Variants in CAMK1D observed in about 807,000 individuals in gnomAD.
CAMK1D encodes the protein calcium/calmodulin dependent protein kinase ID.
In CAMK1D, 9 loss-of-function variants were observed where a neutral mutation model predicts 47.7. The observed-to-expected ratio is 0.19, with a 90% CI of 0.11 to 0.33. The LOEUF is 0.33. CAMK1D is among the 10% of genes least tolerant of loss of function. The pLI is 1.00. For synonymous variants in CAMK1D, 184 were observed against 184.9 expected (o/e 0.99, Z 0.04); for missense variants, 291 against 488.7 (o/e 0.60, Z 3.81).
intron 3 of CAMK1D, among the ~76,000 whole-genome samples, chr10:12,746,220 T>A (rs563490878): frequency 6.7e-6 from 1 of 148,312 alleles, no homozygotes; most frequent in Non-Finnish European, 1.5e-5. Flanking sequence ...AAAAATTAGC[T>A]GGGCGTGGTG....
At chr10:12,666,443 A>G (rs776353873) in intron 2 of CAMK1D, among the ~76,000 whole-genome samples, 2 of 152,200 alleles carry the variant, frequency 1.3e-5, no homozygotes, top group Non-Finnish European at 2.9e-5. Context: ...GTTGGGCTCT[A>G]CAAGATAATA....
chr10:12,680,798 T>C (rs2132606607), intron 3 of CAMK1D, among the ~76,000 whole-genome samples: 1 of 152,038 alleles, frequency 6.6e-6, no homozygotes, highest in South Asian at 2.1e-4. Flanking sequence ...TTGCTCGTGA[T>C]TGCTTGCACC....
chr10:12,418,143 A>G (rs533521609), intron 1 of CAMK1D, among the ~76,000 whole-genome samples: 73 of 152,346 alleles, frequency 4.8e-4, no homozygotes, highest in African/African-American at 1.7e-3. Context: ...CAGATGATGC[A>G]GTAAGCAAGA....
Position 12,738,767 on chromosome 10 carries a change from G to C in CAMK1D, c.300-22181G>C, listed in dbSNP as rs138993195. ...GGAGCGCGTAAAGCCAGGAAGCAGA[G>C]GCTGCAGTGAGCTAAGATCACACCA... is the stretch of plus-strand genomic sequence containing the variant. On this transcript the variant is annotated intron_variant, in intron 3 of 10. Coordinates refer to ENST00000619168, the MANE Select transcript of CAMK1D (RefSeq NM_153498.4). Among the ~76,000 whole-genome samples, 1,510 of 152,186 alleles carry C rather than the reference G, an allele frequency of 9.9e-3. 31 individuals are homozygous for C. Among genetic ancestry groups the C allele is most frequent in the African/African-American group, 0.033 (1,356 of 41,522 alleles).
intron 1 of CAMK1D, among the ~76,000 whole-genome samples, chr10:12,427,869 G>A (rs746390830): frequency 3.6e-4 from 54 of 151,240 alleles, no homozygotes; most frequent in Non-Finnish European, 8.9e-5. Context: ...CACCATGCCT[G>A]GCTGATTTTT....
intron 3 of CAMK1D, among the ~76,000 whole-genome samples, chr10:12,730,279 A>T (rs1449557306): frequency 9.9e-5 from 15 of 152,088 alleles, no homozygotes; most frequent in Admixed American, 9.2e-4. Context: ...CCAGTAAGGG[A>T]AACAGAGGGG....
At chr10:12,730,353 TG>T (rs1344449196) in intron 3 of CAMK1D, among the ~76,000 whole-genome samples, 1 of 152,072 alleles carries the variant, frequency 6.6e-6, no homozygotes, top group Non-Finnish European at 1.5e-5. Context: ...ATGACTAAGA[TG>T]GGGAAGCACG....
intron 1 of CAMK1D, among the ~76,000 whole-genome samples, chr10:12,449,461 T>C (rs1305506953): frequency 4.6e-5 from 7 of 151,868 alleles, no homozygotes; most frequent in Admixed American, 4.6e-4. Flanking sequence ...AGTGAAGATA[T>C]TTGCTAAGAG....
intron 2 of CAMK1D, among the ~76,000 whole-genome samples, chr10:12,601,193 G>GTT (rs770880351): frequency 2.3e-5 from 1 of 43,912 alleles, no homozygotes; most frequent in Admixed American, 2.5e-4. Flanking sequence ...TTGTTTGTTT[G>GTT]TTTTTTTTTT....
In CAMK1D at chr10:12,356,282, C is replaced by G. The variant is rs575281588; in HGVS notation, c.92+6372C>G. Among the ~76,000 whole-genome samples the G allele has an allele frequency of 1.7e-3, 257 of 152,228 alleles. 2 individuals are homozygous for G. Among genetic ancestry groups the G allele is most frequent in the Non-Finnish European group, 2.7e-3 (184 of 68,012 alleles). ...GGACTGGATGTGGGGTGTGAGATTC[C>G]CCAAGGACCTGGGCTTGGACGAACA... On this transcript the variant is annotated intron_variant, in intron 1 of 10. Coordinates refer to ENST00000619168, the MANE Select transcript of CAMK1D (RefSeq NM_153498.4).
chr10:12,466,408 AAAAC>A (rs1473481797), intron 1 of CAMK1D, among the ~76,000 whole-genome samples: 9 of 151,740 alleles, frequency 5.9e-5, no homozygotes, highest in Admixed American at 2.0e-4. Context: ...ATTCTGTCTC[AAAAC>A]AAACAAACAA....
chr10:12,759,017 C>T (rs889938947), intron 3 of CAMK1D, among the ~76,000 whole-genome samples: 1 of 152,212 alleles, frequency 6.6e-6, no homozygotes, highest in Non-Finnish European at 1.5e-5. Context: ...ATGTAATGGG[C>T]ACCCAGGAAA....
chr10:12,816,289 A>G lies in CAMK1D; in HGVS notation c.794A>G (p.Asn265Ser), dbSNP rs777804626. The change falls in exon 8 of 11, where the codon AAT (asparagine) becomes AGT (serine). Residue 265 changes from asparagine to serine, a missense_variant. Around this residue, in one of 2 missense-constraint regions of CAMK1D, gnomAD observed 219 missense variants for 424.3 expected, o/e 0.52. Transcript: ENST00000619168. The part of the protein sequence containing the change: ...FIRNLMEKDP[N>S]KRYTCEQAAR... ...CGGAACCTGATGGAGAAGGACCCGA[A>G]TAAAAGATACACGTGTGAGCAGGCA... 6.2e-6 allele frequency: 10 copies of G among 1,613,896 alleles called. No individual in the cohort carries two copies. The highest frequency in any genetic ancestry group is 3.3e-4 in the Middle Eastern group (2 of 6,080).
In CAMK1D at chr10:12,421,511, C is replaced by CTTTTTT. The variant is rs71384322; in HGVS notation, c.92+71628_92+71633dup. 1.5e-3 allele frequency among the ~76,000 whole-genome samples: 75 copies of CTTTTTT among 50,752 alleles called. 12 individuals are homozygous for CTTTTTT. Among genetic ancestry groups the CTTTTTT allele is most frequent in the South Asian group, 2.6e-3 (2 of 770 alleles). 33.3% of individuals were successfully genotyped at this position (50,752 alleles called of 152,430 possible). On this transcript the variant is annotated intron_variant, in intron 1 of 10. Coordinates refer to ENST00000619168, the MANE Select transcript of CAMK1D (RefSeq NM_153498.4). ...CATGCTGGGCCATTTATCCAGGATT[C>CTTTTTT]TTTTTTTTTTTTTTTTTTTTTTTTT... is the stretch of plus-strand genomic sequence containing the variant.
At chr10:12,530,565 G>A (rs927314469) in intron 1 of CAMK1D, among the ~76,000 whole-genome samples, 1 of 152,200 alleles carries the variant, frequency 6.6e-6, no homozygotes, top group African/African-American at 2.4e-5. Flanking sequence ...CAATGGAGAA[G>A]TACGAAAATC....
intron 1 of CAMK1D, among the ~76,000 whole-genome samples, chr10:12,444,024 C>T (rs1011833898): frequency 6.6e-6 from 1 of 152,144 alleles, no homozygotes; most frequent in African/African-American, 2.4e-5. Flanking sequence ...GGGTAACTTC[C>T]TGTCGTTACC....
At chr10:12,713,034 C>A (rs884406) in intron 3 of CAMK1D, among the ~76,000 whole-genome samples, 2,311 of 152,138 alleles carry the variant, frequency 0.015, 60 homozygotes, top group African/African-American at 0.053. Flanking sequence ...GGCATGGTAC[C>A]TATTTCAGAT....
chr10:12,818,146 G>A (rs544894571), intron 8 of CAMK1D, among the ~76,000 whole-genome samples: 17 of 152,144 alleles, frequency 1.1e-4, no homozygotes, highest in East Asian at 9.7e-4. Flanking sequence ...TGTGTGCCCC[G>A]CCATCCTCTG....
At chr10:12,824,793 A>G (rs1205666109) in intron 9 of CAMK1D, among the ~76,000 whole-genome samples, 1 of 152,190 alleles carries the variant, frequency 6.6e-6, no homozygotes, top group Non-Finnish European at 1.5e-5. Context: ...GCTGTTTCTT[A>G]ACCAACATCA....
Sources: gnomAD v4.1 joint callset for allele counts (sites outside exome capture counted in the v4.1 genomes callset) on GRCh38, gnomAD v4.1.1 for gene constraint, gnomAD v4.1.1 regional missense constraint, MANE v1.5 for transcripts, NCBI Gene and HGNC (gene_info 2026-07-23, HGNC 2026-07-21) for gene names.